Variants in CFAP61 observed in about 807,000 individuals in gnomAD.
CFAP61 encodes the protein cilia- and flagella-associated protein 61.
Under a neutral mutation model 135.6 loss-of-function variants are expected in CFAP61, and 107 were observed. That is an observed-to-expected ratio of 0.79 (90% CI 0.67 to 0.93). CFAP61 has a LOEUF of 0.93. Among genes scored for constraint, CFAP61 ranks in the 40% least tolerant of loss-of-function variants. The pLI, the probability that CFAP61 is intolerant of heterozygous loss-of-function variation, is 0.00. For synonymous variants in CFAP61, 575 were observed against 578.5 expected (o/e 0.99, Z 0.09); for missense variants, 1,507 against 1,556.2 (o/e 0.97, Z 0.53).
intron 13 of CFAP61, among the ~76,000 whole-genome samples, chr20:20,178,214 C>T (rs1407165813): frequency 7.0e-6 from 1 of 142,946 alleles, no homozygotes; most frequent in Non-Finnish European, 1.5e-5. Context: ...TGACTACAGG[C>T]CTTTGAGATG....
chr20:20,159,975 C>T (rs575738325), intron 10 of CFAP61, among the ~76,000 whole-genome samples: 2 of 152,308 alleles, frequency 1.3e-5, no homozygotes, highest in African/African-American at 4.8e-5. Context: ...GTTGGTTTCC[C>T]TTCACCCCAC....
Position 20,343,732 on chromosome 20 carries a change from G to A in CFAP61, c.3513+1811G>A, listed in dbSNP as rs555476004. On this transcript the variant is annotated intron_variant, in intron 26 of 26. Coordinates refer to ENST00000245957, the MANE Select transcript of CFAP61 (RefSeq NM_015585.4). ...GATCCCATCAAAACTCTGTGCCTCC[G>A]TCTTTCTTAACCCCAGATCTGAGCT... 4.6e-5 allele frequency among the ~76,000 whole-genome samples: 7 copies of A among 152,242 alleles called. No homozygotes were observed. In the South Asian group the frequency reaches 1.2e-3, roughly 27 times the overall value.
intron 21 of CFAP61, among the ~76,000 whole-genome samples, chr20:20,272,776 CTG>C (rs1295815039): frequency 6.6e-6 from 1 of 152,212 alleles, no homozygotes; most frequent in Non-Finnish European, 1.5e-5. Context: ...TACTGTTTGA[CTG>C]TGTCTCTGCC....
At chr20:20,090,739 G>T in intron 6 of CFAP61, 105 bp from the exon 7 acceptor site, 1 of 990,354 alleles carries the variant, frequency 1.0e-6, no homozygotes, top group Non-Finnish European at 1.5e-6. Flanking sequence ...CATGAGTGTT[G>T]CTCTAGCCCC....
intron 26 of CFAP61, among the ~76,000 whole-genome samples, chr20:20,352,839 G>A (rs2058892767): frequency 6.6e-6 from 1 of 152,124 alleles, no homozygotes. Context: ...ACAGACAAGT[G>A]GGTCTACATC....
Position 20,164,045 on chromosome 20 carries a change from T to C in CFAP61, c.1027-5T>C. The C allele has an allele frequency of 6.2e-7, 1 of 1,604,630 alleles. No individual in the cohort carries two copies. The highest frequency in any genetic ancestry group is 8.5e-7 in the Non-Finnish European group (1 of 1,174,896). ...TCATTGGCTCCTCCTGTCTCCTTGC[T>C]CTAGGACATAGAAAAACTCAGTGAC... is the stretch of plus-strand genomic sequence containing the variant. On this transcript the variant is annotated splice_polypyrimidine_tract_variant and splice_region_variant and intron_variant, in intron 10 of 26. Transcript: ENST00000245957.
At chr20:20,333,457 C>G (rs568691156) in intron 25 of CFAP61, among the ~76,000 whole-genome samples, 1 of 152,294 alleles carries the variant, frequency 6.6e-6, no homozygotes, top group South Asian at 2.1e-4. Flanking sequence ...GAGGCCAGGT[C>G]AGCAACACGA....
chr20:20,169,771 A>AGACT (rs1555893612), intron 13 of CFAP61, among the ~76,000 whole-genome samples: 2 of 151,790 alleles, frequency 1.3e-5, no homozygotes, highest in Non-Finnish European at 2.9e-5. Context: ...CAGATTGTGC[A>AGACT]GATCTTTGTA....
At chr20:20,326,337 C>T (rs1210303475) in intron 25 of CFAP61, among the ~76,000 whole-genome samples, 4 of 152,068 alleles carry the variant, frequency 2.6e-5, no homozygotes, top group African/African-American at 7.2e-5. Flanking sequence ...GGAATTTTTA[C>T]ATAATCAAAC....
chr20:20,188,680 A>G (rs1167718919), intron 14 of CFAP61, among the ~76,000 whole-genome samples: 2 of 152,250 alleles, frequency 1.3e-5, no homozygotes, highest in African/African-American at 2.4e-5. Flanking sequence ...TAATCTGACT[A>G]CACATGGAAA....
chr20:20,166,170 A>G (rs2053813134), intron 11 of CFAP61, among the ~76,000 whole-genome samples: 1 of 152,240 alleles, frequency 6.6e-6, no homozygotes. Flanking sequence ...TCAAATGCAC[A>G]GAGATTGTTA....
At chr20:20,354,396 A>C (rs972326305) in intron 26 of CFAP61, among the ~76,000 whole-genome samples, 43 of 151,652 alleles carry the variant, frequency 2.8e-4, no homozygotes, top group African/African-American at 9.2e-4. Flanking sequence ...CCAGCTACTC[A>C]GGAGGCTGAG....
At chr20:20,212,692 C>A (rs2047741014) in intron 17 of CFAP61, among the ~76,000 whole-genome samples, 1 of 152,196 alleles carries the variant, frequency 6.6e-6, no homozygotes, top group Non-Finnish European at 1.5e-5. Flanking sequence ...ACTGAGAAGT[C>A]CCCTTGTTGG....
intron 17 of CFAP61, among the ~76,000 whole-genome samples, chr20:20,212,201 G>A (rs1021194897): frequency 2.0e-5 from 3 of 152,090 alleles, no homozygotes; most frequent in South Asian, 4.2e-4. Flanking sequence ...ATTCAAGAGC[G>A]GAAGGCGGCC....
chr20:20,270,680 CTTTTT>C (rs74180986), intron 21 of CFAP61, among the ~76,000 whole-genome samples: 5 of 145,950 alleles, frequency 3.4e-5, no homozygotes, highest in Admixed American at 6.8e-5. Context: ...GTGCATTATT[CTTTTT>C]TTTTTTTTTT....
chr20:20,328,734 C>T (rs576337511), intron 25 of CFAP61, among the ~76,000 whole-genome samples: 124 of 152,200 alleles, frequency 8.1e-4, no homozygotes, highest in African/African-American at 2.8e-3. Flanking sequence ...CCCAAATAGA[C>T]AATTTTTCAA....
At chr20:20,219,853 G>A (rs1028926444) in intron 17 of CFAP61, among the ~76,000 whole-genome samples, 4 of 152,190 alleles carry the variant, frequency 2.6e-5, no homozygotes, top group African/African-American at 9.7e-5. Flanking sequence ...CCTGGTCAGA[G>A]CTCCTGAAAC....
Position 20,277,339 on chromosome 20 carries a change from G to A in CFAP61, c.2677G>A (p.Ala893Thr). 1 of 1,614,146 alleles carries A rather than the reference G, an allele frequency of 6.2e-7. No homozygotes were observed. Among genetic ancestry groups the A allele is most frequent in the South Asian group, 1.1e-5 (1 of 91,082 alleles). The change falls in exon 22 of 27, where the codon GCC (alanine) becomes ACC (threonine). Residue 893 changes from alanine (A) to threonine (T), a missense_variant. Coordinates refer to ENST00000245957, the MANE Select transcript of CFAP61 (RefSeq NM_015585.4). ...CGCCGTGGCGGACGCGCTAGGAGCC[G>A]CCGGAGTCACTATGTACCGGGATGC... ...ESAVADALGA[A>T]GVTMYRDAIL... is the part of the protein sequence containing the mutation.
intron 3 of CFAP61, among the ~76,000 whole-genome samples, chr20:20,073,170 G>A (rs909053500): frequency 6.6e-6 from 1 of 152,216 alleles, no homozygotes. Flanking sequence ...TGCTCCTGAG[G>A]CTAGTCCTAT....
Sources: gnomAD v4.1 joint callset for allele counts (sites outside exome capture counted in the v4.1 genomes callset) on GRCh38, gnomAD v4.1.1 for gene constraint, MANE v1.5 for transcripts, NCBI Gene and HGNC (gene_info 2026-07-23, HGNC 2026-07-21) for gene names.